CTTNBP2: variants seen among roughly 807,000 people sequenced by gnomAD.
The protein encoded by CTTNBP2 is cortactin-binding protein 2.
In CTTNBP2, 108 loss-of-function variants were observed where a neutral mutation model predicts 156.9. That is an observed-to-expected ratio of 0.69 (90% CI 0.59 to 0.81). The LOEUF (loss-of-function observed/expected upper bound fraction) is 0.81. Among genes scored for constraint, CTTNBP2 ranks in the 30% least tolerant of loss-of-function variants. The pLI is 0.00. For missense variants in CTTNBP2, 1,924 were observed against 2,035.4 expected (o/e 0.95, Z 1.05); for synonymous variants, 767 against 751.8 (o/e 1.02, Z -0.33).
At chr7:117,720,616 C>G (rs1207129394) in intron 20 of CTTNBP2, among the ~76,000 whole-genome samples, 1 of 152,050 alleles carries the variant, frequency 6.6e-6, no homozygotes. Context: ...ATTGCTTGAA[C>G]CTGGAGGTGG....
intron 2 of CTTNBP2, among the ~76,000 whole-genome samples, chr7:117,833,378 C>T (rs1442552276): frequency 6.6e-6 from 1 of 152,172 alleles, no homozygotes; most frequent in Non-Finnish European, 1.5e-5. Flanking sequence ...AAAACGTCTT[C>T]CTTCATGACA....
intron 2 of CTTNBP2, among the ~76,000 whole-genome samples, chr7:117,860,201 C>A (rs528094101): frequency 6.6e-6 from 1 of 152,058 alleles, no homozygotes; most frequent in African/African-American, 2.4e-5. Flanking sequence ...TAACTAATTA[C>A]AGACAAAGTA....
chr7:117,795,649 C>A (rs1223251678), intron 3 of CTTNBP2, among the ~76,000 whole-genome samples: 1 of 152,194 alleles, frequency 6.6e-6, no homozygotes, highest in Non-Finnish European at 1.5e-5. Context: ...GGATCATCAT[C>A]TTTCAGAATC....
chr7:117,844,377 G>C (rs1584534995), intron 2 of CTTNBP2, among the ~76,000 whole-genome samples: 1 of 152,260 alleles, frequency 6.6e-6, no homozygotes, highest in East Asian at 1.9e-4. Flanking sequence ...GGTGAAGCAG[G>C]AAGATTTAAG....
intron 5 of CTTNBP2, 51 bp from the exon 6 acceptor site, chr7:117,783,012 G>A (rs1444925559): frequency 2.2e-6 from 3 of 1,338,818 alleles, no homozygotes; most frequent in Non-Finnish European, 3.2e-6. Context: ...GAGTTATGAT[G>A]TGCCAAATTC....
intron 2 of CTTNBP2, among the ~76,000 whole-genome samples, chr7:117,827,375 A>G (rs910900203): frequency 6.6e-6 from 1 of 152,138 alleles, no homozygotes; most frequent in Admixed American, 6.5e-5. Context: ...AGTTTCCCCC[A>G]CTTGTATGTT....
intron 1 of CTTNBP2, among the ~76,000 whole-genome samples, chr7:117,865,360 C>T (rs1401739698): frequency 3.3e-5 from 5 of 151,886 alleles, no homozygotes; most frequent in Non-Finnish European, 7.4e-5. Context: ...AAACTAAAAA[C>T]AAAGTAAAAC....
chr7:117,768,248 T>C (rs922048765), intron 8 of CTTNBP2, among the ~76,000 whole-genome samples: 12 of 152,026 alleles, frequency 7.9e-5, no homozygotes, highest in African/African-American at 2.9e-4. Flanking sequence ...TCCTTCCTAA[T>C]ATAAAATATT....
At position 117,810,868 on chromosome 7, in the gene CTTNBP2, C is replaced by T; in HGVS notation, c.311G>A (p.Cys104Tyr). ...TTCAAGGATGGAGAGGGGGTTGGTA[C>T]AAACTGGCTTCTTCTCTTTGTCACC... is the stretch of plus-strand genomic sequence containing the variant. ...GAGDKEKKPV[C>Y]TNPLSILEAV... Residue 104 changes from cysteine (C) to tyrosine (Y), a missense_variant, in exon 3 of 23, where the codon TGT becomes TAT. Transcript: ENST00000160373. 3 of 1,614,082 alleles carry T rather than the reference C, an allele frequency of 1.9e-6. No homozygotes were observed. In the South Asian group the frequency reaches 3.3e-5, roughly 18 times the overall value.
chr7:117,734,305 C>A (rs1444423748), intron 16 of CTTNBP2, among the ~76,000 whole-genome samples: 1 of 152,214 alleles, frequency 6.6e-6, no homozygotes, highest in East Asian at 1.9e-4. Flanking sequence ...GAAAATCTTA[C>A]TAAATCAAAC....
intron 2 of CTTNBP2, among the ~76,000 whole-genome samples, chr7:117,848,763 T>C (rs1260743014): frequency 1.3e-5 from 2 of 152,234 alleles, no homozygotes; most frequent in Non-Finnish European, 2.9e-5. Context: ...GTCTTATTAT[T>C]AAAAGGTTTG....
At chr7:117,727,961 G>C in intron 17 of CTTNBP2, 128 bp downstream of exon 17, 1 of 790,590 alleles carries the variant, frequency 1.3e-6, no homozygotes, top group Non-Finnish European at 2.1e-6. Flanking sequence ...AAAGAGCAGA[G>C]AGCACTGGCA....
rs564317192 is a variant in CTTNBP2, at chr7:117,806,178, G to A, written c.414+4587C>T. The stretch of plus-strand genomic sequence containing the variant: ...TGTGGAAGAGCTCAGAAGAATGAAC[G>A]CAGCTTCACTGGTAGTGAGAAAGTG... On this transcript the variant is annotated intron_variant, in intron 3 of 22. Coordinates refer to ENST00000160373, the MANE Select transcript of CTTNBP2 (RefSeq NM_033427.3). 9.9e-5 allele frequency among the ~76,000 whole-genome samples: 15 copies of A among 152,194 alleles called. 1 individual carries two copies. The highest frequency in any genetic ancestry group is 7.9e-4 in the Admixed American group (12 of 15,278).
intron 2 of CTTNBP2, among the ~76,000 whole-genome samples, chr7:117,860,383 C>T (rs1395392283): frequency 6.6e-6 from 1 of 151,556 alleles, no homozygotes; most frequent in East Asian, 1.9e-4. Flanking sequence ...TGCTCTGTCG[C>T]CCAGGCTGGA....
rs930703536 is a variant in CTTNBP2, at chr7:117,735,178, G to T, written c.3689-78C>A. 24 of 1,586,606 alleles carry T rather than the reference G, an allele frequency of 1.5e-5. No individual in the cohort carries two copies. In the African/African-American group the frequency reaches 2.5e-4, roughly 16 times the overall value. On this transcript the variant is annotated intron_variant, in intron 15 of 22. Coordinates refer to ENST00000160373, the MANE Select transcript of CTTNBP2 (RefSeq NM_033427.3). ...CAGATTCAAATTAAAATAACGTAAA[G>T]AACATGAAGTATAACTGGTACTCTG...
rs963992792 is a variant in CTTNBP2 at position 117,719,552 on chromosome 7, C to T, written c.4596G>A (p.Lys1532=). ...TGCTGGAGCACATGCTCTGAAGTTC[C>T]TTGACAAGATCTGCTTCGTCATCTG... is the stretch of plus-strand genomic sequence containing the variant. ...LGSDDEADLV[K]ELQSMCSSKS... is the part of the protein sequence containing the mutation. Residue 1532 remains lysine, a synonymous_variant, in exon 21 of 23, where the codon AAG becomes AAA. Coordinates refer to ENST00000160373, the MANE Select transcript of CTTNBP2 (RefSeq NM_033427.3). The T allele has an allele frequency of 1.9e-6, 3 of 1,613,904 alleles. No homozygotes were observed. The African/African-American group carries it at 4.0e-5, about 22-fold the overall frequency.
At chr7:117,796,566 T>C (rs966646079) in intron 3 of CTTNBP2, among the ~76,000 whole-genome samples, 2 of 152,232 alleles carry the variant, frequency 1.3e-5, no homozygotes, top group Admixed American at 1.3e-4. Flanking sequence ...CTCTAAAAAT[T>C]GGTTCTGTAT....
At chr7:117,840,902 C>G (rs1802229778) in intron 2 of CTTNBP2, among the ~76,000 whole-genome samples, 1 of 152,120 alleles carries the variant, frequency 6.6e-6, no homozygotes, top group Non-Finnish European at 1.5e-5. Flanking sequence ...AAGCAGCTCT[C>G]CAACTTTCTA....
intron 3 of CTTNBP2, among the ~76,000 whole-genome samples, chr7:117,809,274 T>G (rs1204291857): frequency 1.3e-5 from 2 of 152,206 alleles, no homozygotes; most frequent in Admixed American, 6.5e-5. Context: ...TGAGTTTTGT[T>G]AAAGGCAGAA....
Sources: gnomAD v4.1 joint callset for allele counts (sites outside exome capture counted in the v4.1 genomes callset) on GRCh38, gnomAD v4.1.1 for gene constraint, MANE v1.5 for transcripts, NCBI Gene and HGNC (gene_info 2026-07-23, HGNC 2026-07-21) for gene names.